Variants in NAALADL2 observed in about 807,000 individuals in gnomAD.
NAALADL2 encodes the protein inactive N-acetylated-alpha-linked acidic dipeptidase-like protein 2.
NAALADL2 carries 76 observed loss-of-function variants against 87.2 expected under a neutral mutation model. The observed-to-expected ratio is 0.87, with a 90% confidence interval of 0.72 to 1.05. NAALADL2 has a LOEUF of 1.05. Ranked by LOEUF, NAALADL2 falls within the 50% of genes least tolerant of loss-of-function variation. The probability of loss-of-function intolerance (pLI) is 0.00; values close to 1 mark genes in which losing one functional copy is unlikely to be tolerated. For synonymous variants in NAALADL2, 354 were observed against 331.0 expected, an observed-to-expected ratio of 1.07 and a Z score of -0.75; for missense variants, 1,089 against 945.8, an observed-to-expected ratio of 1.15 and a Z score of -1.99.
At chr3:175,034,723 G>A (rs556694614) in intron 1 of NAALADL2, among the ~76,000 whole-genome samples, 1 of 152,048 alleles carries the variant, frequency 6.6e-6, no homozygotes, top group South Asian at 2.1e-4. Flanking sequence ...AATGACTTTG[G>A]GCAAGTTTTT....
intron 5 of NAALADL2, among the ~76,000 whole-genome samples, chr3:175,328,692 G>C (rs559804169): frequency 1.3e-5 from 2 of 152,236 alleles, no homozygotes; most frequent in South Asian, 4.1e-4. Context: ...GCCAAAGACT[G>C]AGGTAAATTG....
intron 4 of NAALADL2, among the ~76,000 whole-genome samples, chr3:175,313,354 T>G (rs769485202): frequency 1.3e-5 from 2 of 152,200 alleles, no homozygotes; most frequent in Non-Finnish European, 2.9e-5. Context: ...GTCTTATTTT[T>G]GTTACTCTTC....
intron 3 of NAALADL2, among the ~76,000 whole-genome samples, chr3:174,770,728 T>C (rs998069838): frequency 2.0e-5 from 3 of 151,750 alleles, no homozygotes; most frequent in African/African-American, 7.3e-5. Context: ...CAGTCCCAGC[T>C]ACTCAGGAGG....
chr3:175,717,243 C>G (rs1326565023), intron 11 of NAALADL2, among the ~76,000 whole-genome samples: 1 of 152,148 alleles, frequency 6.6e-6, no homozygotes, highest in Non-Finnish European at 1.5e-5. Flanking sequence ...GCCACATTAT[C>G]CTTTTGAGGC....
Position 175,803,092 on chromosome 3 carries a change from TGAG to T in NAALADL2, c.2278_2280del (p.Glu760del). The stretch of plus-strand genomic sequence containing the variant: ...AACACTGCAAACCCCTTGCATCAAA[TGAG>T]ACCCTTCAAGAAGCCCTGTCAGAGG... On this transcript the variant is annotated inframe_deletion, in exon 14 of 14. Transcript: ENST00000454872. 6.2e-7 allele frequency: 1 copy of T among 1,612,268 alleles called. No individual in the cohort carries two copies. The highest frequency in any genetic ancestry group is 8.5e-7 in the Non-Finnish European group (1 of 1,178,770).
intron 10 of NAALADL2, among the ~76,000 whole-genome samples, chr3:175,588,084 G>T (rs115766062): frequency 0.026 from 3,775 of 145,672 alleles, 158 homozygotes; most frequent in African/African-American, 0.087. Flanking sequence ...AAAAACCTTG[G>T]GGTAAAAAAA....
intron 5 of NAALADL2, among the ~76,000 whole-genome samples, chr3:175,401,551 C>T (rs1412194682): frequency 6.6e-6 from 1 of 152,012 alleles, no homozygotes; most frequent in Non-Finnish European, 1.5e-5. Context: ...GATTATATAG[C>T]CTAACACACA....
At chr3:174,478,216 T>C (rs1717333561) in intron 1 of NAALADL2, among the ~76,000 whole-genome samples, 1 of 152,164 alleles carries the variant, frequency 6.6e-6, no homozygotes, top group Non-Finnish European at 1.5e-5. Context: ...ATTTTGGTTG[T>C]ATCTTCTGCT....
chr3:175,208,822 A>T (rs1741348277), intron 2 of NAALADL2, among the ~76,000 whole-genome samples: 1 of 152,194 alleles, frequency 6.6e-6, no homozygotes. Context: ...ATAACCATGA[A>T]TCGTTTTTGC....
chr3:175,210,025 A>G (rs1741537549), intron 2 of NAALADL2, among the ~76,000 whole-genome samples: 1 of 151,928 alleles, frequency 6.6e-6, no homozygotes, highest in Non-Finnish European at 1.5e-5. Context: ...TATTATACAT[A>G]CAATAGAATG....
At chr3:174,935,912 G>A (rs1737623354) in intron 1 of NAALADL2, among the ~76,000 whole-genome samples, 1 of 152,058 alleles carries the variant, frequency 6.6e-6, no homozygotes, top group Admixed American at 6.6e-5. Context: ...AATATTTTGG[G>A]TAATTGTCAC....
At chr3:174,889,214 T>G (rs537977018) in intron 1 of NAALADL2, among the ~76,000 whole-genome samples, 1 of 152,344 alleles carries the variant, frequency 6.6e-6, no homozygotes, top group African/African-American at 2.4e-5. Context: ...ATTAAAATGT[T>G]AACATTCTTT....
At chr3:175,586,336 A>G (rs950126255) in intron 10 of NAALADL2, among the ~76,000 whole-genome samples, 3 of 152,168 alleles carry the variant, frequency 2.0e-5, no homozygotes, top group African/African-American at 4.8e-5. Flanking sequence ...GGTCAACGCT[A>G]CTTGGCTTAT....
At chr3:175,522,561 T>A (rs1456137531) in intron 9 of NAALADL2, among the ~76,000 whole-genome samples, 3 of 152,154 alleles carry the variant, frequency 2.0e-5, no homozygotes, top group Non-Finnish European at 4.4e-5. Context: ...AGATATGAGT[T>A]CTCAAATAAA....
intron 2 of NAALADL2, among the ~76,000 whole-genome samples, chr3:174,680,993 G>A (rs1257318680): frequency 6.6e-6 from 1 of 152,194 alleles, no homozygotes; most frequent in Non-Finnish European, 1.5e-5. Flanking sequence ...CTCAACAGTA[G>A]CTGTGTTGCA....
rs2108391952 is a variant in NAALADL2 at position 175,809,676 on chromosome 3, G to C, written c.*6473G>C. The C allele has an allele frequency of 6.6e-6, 1 of 152,048 alleles. No individual in the cohort carries two copies. Among genetic ancestry groups the C allele is most frequent in the South Asian group, 2.1e-4 (1 of 4,814 alleles). 9.4% of individuals were successfully genotyped at this position (152,048 alleles called of 1,614,324 possible). ...AAATCATGCCACTGTAGTCCAGCCT[G>C]TGTAACAGAACCTATCTCAAAAAAA... On this transcript the variant is annotated 3_prime_UTR_variant, in exon 14 of 14. Coordinates refer to ENST00000454872, the MANE Select transcript of NAALADL2 (RefSeq NM_207015.3).
chr3:174,693,123 G>A (rs1369924796), intron 2 of NAALADL2, among the ~76,000 whole-genome samples: 1 of 151,872 alleles, frequency 6.6e-6, no homozygotes, highest in Non-Finnish European at 1.5e-5. Flanking sequence ...ACTGCTCTTA[G>A]GGCCATCAGG....
At position 175,630,554 on chromosome 3, in the gene NAALADL2, C is replaced by A. The variant is rs149519628; in HGVS notation, c.1896+3168C>A. On this transcript the variant is annotated intron_variant, in intron 11 of 13. Transcript: ENST00000454872. ...AATTTTGTTTTTACTATAAAATATACATATATGGATAATACAGATATAAAA... is the reference window on the plus strand; with the variant it reads ...AATTTTGTTTTTACTATAAAATATAAATATATGGATAATACAGATATAAAA... Among the ~76,000 whole-genome samples, 57 of 151,446 alleles carry A rather than the reference C, an allele frequency of 3.8e-4. 1 individual carries two copies. In the East Asian group the frequency reaches 0.011, roughly 29 times the overall value.
intron 2 of NAALADL2, among the ~76,000 whole-genome samples, chr3:175,178,062 G>T (rs896247632): frequency 6.6e-6 from 1 of 151,946 alleles, no homozygotes; most frequent in Non-Finnish European, 1.5e-5. Flanking sequence ...CACTACTCAG[G>T]TTCATAGCAT....
Sources: gnomAD v4.1 joint callset for allele counts (sites outside exome capture counted in the v4.1 genomes callset) on GRCh38, gnomAD v4.1.1 for gene constraint, MANE v1.5 for transcripts, NCBI Gene and HGNC (gene_info 2026-07-23, HGNC 2026-07-21) for gene names.